Variants in PEAK1 observed in about 807,000 individuals in gnomAD.
The protein encoded by PEAK1 is pseudopodium enriched atypical kinase 1, also known as inactive tyrosine-protein kinase PEAK1.
Under a neutral mutation model 124.7 loss-of-function variants are expected in PEAK1, and 54 were observed. The ratio of observed to expected loss-of-function variants is 0.43; its 90% CI spans 0.35 to 0.54. The LOEUF (loss-of-function observed/expected upper bound fraction) is 0.54. PEAK1 is among the 20% of genes least tolerant of loss of function. PEAK1 has a pLI of 0.01. For synonymous variants in PEAK1, 719 were observed against 760.0 expected (o/e 0.95, Z 0.89); for missense variants, 2,046 against 2,134.5 (o/e 0.96, Z 0.82).
chr15:77,336,831 G>A (rs551483141), intron 2 of PEAK1, among the ~76,000 whole-genome samples: 9 of 151,436 alleles, frequency 5.9e-5, no homozygotes, highest in African/African-American at 1.9e-4. Flanking sequence ...ATAGCAGTCA[G>A]AAGTAATGAA....
intron 6 of PEAK1, among the ~76,000 whole-genome samples, chr15:77,210,546 T>C (rs2058855368): frequency 6.6e-6 from 1 of 152,112 alleles, no homozygotes; most frequent in African/African-American, 2.4e-5. Context: ...AAAATTTAAA[T>C]AGGAATCTGA....
chr15:77,212,889 A>T (rs2058969745), intron 6 of PEAK1, among the ~76,000 whole-genome samples: 1 of 152,200 alleles, frequency 6.6e-6, no homozygotes, highest in Non-Finnish European at 1.5e-5. Context: ...GAATTCTTAT[A>T]CCTGATGTCT....
Position 77,420,035 on chromosome 15 carries a change from C to T in PEAK1, c.-695G>A. The T allele has an allele frequency of 6.7e-6, 1 of 150,022 alleles. No homozygotes were observed. The highest frequency in any genetic ancestry group is 1.5e-5 in the Non-Finnish European group (1 of 67,470). 9.3% of individuals were successfully genotyped at this position (150,022 alleles called of 1,614,324 possible). On this transcript the variant is annotated 5_prime_UTR_variant, in exon 1 of 10. Transcript: ENST00000682557. ...GGGGCGCACACGCCGCCGCGGCGACCACCATCACCGTCCGTCCCGTCCCCT... is the reference window on the plus strand; with the variant it reads ...GGGGCGCACACGCCGCCGCGGCGACTACCATCACCGTCCGTCCCGTCCCCT...
intron 6 of PEAK1, among the ~76,000 whole-genome samples, chr15:77,206,195 A>T (rs1439710097): frequency 7.4e-6 from 1 of 134,286 alleles, no homozygotes; most frequent in African/African-American, 2.8e-5. Flanking sequence ...CATGGTGTAT[A>T]TGTGCCACAT....
intron 6 of PEAK1, among the ~76,000 whole-genome samples, chr15:77,200,505 C>A (rs1451537275): frequency 9.2e-5 from 14 of 152,154 alleles, no homozygotes; most frequent in Admixed American, 9.2e-4. Flanking sequence ...CCTACTGAAT[C>A]ATAATCTACA....
At chr15:77,303,758 C>T (rs571875813) in intron 2 of PEAK1, among the ~76,000 whole-genome samples, 1 of 152,000 alleles carries the variant, frequency 6.6e-6, no homozygotes, top group Non-Finnish European at 1.5e-5. Flanking sequence ...CACAACTTAC[C>T]AATATTTTTC....
chr15:77,226,077 A>ATT (rs1567137799), intron 6 of PEAK1, among the ~76,000 whole-genome samples: 4 of 137,506 alleles, frequency 2.9e-5, no homozygotes, highest in African/African-American at 1.1e-4. Context: ...ATATATATAT[A>ATT]TATATATATA....
intron 2 of PEAK1, among the ~76,000 whole-genome samples, chr15:77,361,866 T>C (rs1265310595): frequency 6.6e-6 from 1 of 151,322 alleles, no homozygotes; most frequent in African/African-American, 2.4e-5. Flanking sequence ...AAATCTGGAA[T>C]ATATATATAC....
At chr15:77,322,922 A>G (rs2065320729) in intron 2 of PEAK1, among the ~76,000 whole-genome samples, 1 of 152,302 alleles carries the variant, frequency 6.6e-6, no homozygotes, top group South Asian at 2.1e-4. Flanking sequence ...GCACATCCAA[A>G]AGCTTATCCA....
At chr15:77,283,389 G>T (rs1292458109) in intron 5 of PEAK1, among the ~76,000 whole-genome samples, 4 of 151,928 alleles carry the variant, frequency 2.6e-5, no homozygotes, top group Non-Finnish European at 5.9e-5. Flanking sequence ...TTTCATATCT[G>T]CAGAGAAAGC....
At chr15:77,253,613 TC>T (rs1392448365) in intron 5 of PEAK1, among the ~76,000 whole-genome samples, 3 of 152,314 alleles carry the variant, frequency 2.0e-5, no homozygotes, top group African/African-American at 7.2e-5. Context: ...TACTTTACCT[TC>T]ATTTTTGAAT....
Position 77,405,945 on chromosome 15 carries a change from T to C in PEAK1, c.-666+14061A>G, listed in dbSNP as rs1030590699. On this transcript the variant is annotated intron_variant, in intron 1 of 9. Coordinates refer to ENST00000682557, the MANE Select transcript of PEAK1 (RefSeq NM_001385026.1). ...TAGAAACCATTGTATCTACAAATTA[T>C]TTCTATGCTGCTTATGGTGTGATTT... Among the ~76,000 whole-genome samples, 10 of 152,314 alleles carry C rather than the reference T, an allele frequency of 6.6e-5. No individual in the cohort carries two copies. The East Asian group carries it at 1.7e-3, about 26-fold the overall frequency.
chr15:77,181,792 AG>A lies in PEAK1; in HGVS notation c.134del (p.Thr45IlefsTer27). The A allele has an allele frequency of 6.2e-7, 1 of 1,614,122 alleles. No individual in the cohort carries two copies. Among genetic ancestry groups the A allele is most frequent in the Non-Finnish European group, 8.5e-7 (1 of 1,179,988 alleles). Reference sequence around the variant, plus strand: ...GGTGGTTGTTACTGTGATTGGCATTAGTTTTCACATTGCCATGGGTGATGGG... The same window carrying A: ...GGTGGTTGTTACTGTGATTGGCATTATTTTCACATTGCCATGGGTGATGGG... Reference protein sequence around the residue: ...KAPITHGNVKTNANHSNNHRI... With the variant: ...KAPITHGNVKXNANHSNNHRI... On this transcript the variant is annotated frameshift_variant, in exon 7 of 10. Transcript: ENST00000682557. LOFTEE classifies it high-confidence loss of function.
At chr15:77,101,989 A>G (rs80206844) in exon 7 of PEAK1, 1 of 152,180 alleles carries the variant, frequency 6.6e-6, no homozygotes, top group Non-Finnish European at 1.5e-5. Flanking sequence ...CAACAATATG[A>G]TCTTAATTTA....
chr15:77,206,918 T>C (rs1397940316), intron 6 of PEAK1, among the ~76,000 whole-genome samples: 1 of 152,090 alleles, frequency 6.6e-6, no homozygotes, highest in Non-Finnish European at 1.5e-5. Context: ...AAAACAGAGA[T>C]ATAGATCAAT....
intron 1 of PEAK1, among the ~76,000 whole-genome samples, chr15:77,377,336 A>T (rs2069109229): frequency 6.6e-6 from 1 of 152,184 alleles, no homozygotes; most frequent in Admixed American, 6.5e-5. Flanking sequence ...GTGGGCAGTG[A>T]TTGAGCCACT....
chr15:77,419,046 G>A, intron 1 of PEAK1: 1 of 985,290 alleles, frequency 1.0e-6, no homozygotes, highest in Non-Finnish European at 1.2e-6. Flanking sequence ...CTATAGCAAG[G>A]CCAATAAAGA....
chr15:77,343,032 G>A (rs1398892001), intron 2 of PEAK1, among the ~76,000 whole-genome samples: 3 of 152,162 alleles, frequency 2.0e-5, no homozygotes, highest in Non-Finnish European at 4.4e-5. Flanking sequence ...TTGAAAAAAT[G>A]CCATACTGTT....
At chr15:77,256,632 T>A (rs1347067288) in intron 5 of PEAK1, among the ~76,000 whole-genome samples, 1 of 152,122 alleles carries the variant, frequency 6.6e-6, no homozygotes, top group South Asian at 2.1e-4. Flanking sequence ...ACATAAAAAC[T>A]AGATGAAATT....
Sources: allele counts gnomAD v4.1 joint callset (sites outside exome capture counted in the v4.1 genomes callset), GRCh38; gene constraint gnomAD v4.1.1; transcripts MANE v1.5; gene names NCBI Gene and HGNC (gene_info 2026-07-23, HGNC 2026-07-21).